DYNC2H1: variants seen among roughly 807,000 people sequenced by gnomAD.
DYNC2H1 encodes the protein dynein cytoplasmic 2 heavy chain 1.
A neutral mutation model predicts 570.0 loss-of-function variants in DYNC2H1; 410 were observed. The ratio of observed to expected loss-of-function variants is 0.72; its 90% CI spans 0.66 to 0.78. The LOEUF (loss-of-function observed/expected upper bound fraction) is 0.78, where lower values mean the gene tolerates loss of function less well. Ranked by LOEUF, DYNC2H1 falls within the 30% of genes least tolerant of loss-of-function variation. The pLI is 0.00. For synonymous variants in DYNC2H1, 1,688 were observed against 1,677.6 expected, an observed-to-expected ratio of 1.01 and a Z score of -0.15; for missense variants, 4,865 against 5,046.4, an observed-to-expected ratio of 0.96 and a Z score of 1.09.
intron 76 of DYNC2H1, among the ~76,000 whole-genome samples, chr11:103,303,544 A>T (rs550264310): frequency 3.3e-4 from 51 of 152,240 alleles, no homozygotes; most frequent in African/African-American, 1.2e-3. Flanking sequence ...GAGTGCAGCT[A>T]GGAGATATGA....
At chr11:103,282,879 C>T (rs1866195984) in intron 72 of DYNC2H1, 129 bp from the exon 73 acceptor site, 1 of 662,100 alleles carries the variant, frequency 1.5e-6, no homozygotes, top group Non-Finnish European at 2.5e-6. Flanking sequence ...TTGTAAAATA[C>T]ATAAAAATAT....
chr11:103,437,080 G>A (rs1370052530), intron 85 of DYNC2H1, among the ~76,000 whole-genome samples: 1 of 152,088 alleles, frequency 6.6e-6, no homozygotes, highest in East Asian at 1.9e-4. Flanking sequence ...ATTCCATAGT[G>A]ATGTTCTTCA....
rs145188748 is a variant in DYNC2H1, at chr11:103,458,493, C to T, written c.12648+2137C>T. On this transcript the variant is annotated intron_variant, in intron 87 of 88. Transcript: ENST00000375735. ...TTCAAAATCAAAAACACTTTGTTCC[C>T]GAGCATTTCAGATAAGGGATACTCA... Among the ~76,000 whole-genome samples, 639 of 151,990 alleles carry T rather than the reference C, an allele frequency of 4.2e-3. 3 individuals are homozygous for T. The highest frequency in any genetic ancestry group is 9.9e-3 in the Admixed American group (151 of 15,250).
chr11:103,242,678 T>C (rs1028586719), intron 63 of DYNC2H1, among the ~76,000 whole-genome samples: 2 of 152,334 alleles, frequency 1.3e-5, no homozygotes, highest in South Asian at 2.1e-4. Context: ...ATTGGCTTTC[T>C]TCTGTCTACT....
chr11:103,404,624 C>A (rs1942783654), intron 84 of DYNC2H1: 1 of 149,956 alleles, frequency 6.7e-6, no homozygotes, highest in Non-Finnish European at 1.5e-5. Context: ...GGATTTTAGC[C>A]TATCTGATTA....
rs1376857697 is a variant in DYNC2H1, at chr11:103,243,674, T to C, written c.9820-19T>C. ...TTATAATCATTAAAAAACATTACTT[T>C]TCCTTTTTTTTATACTAGAGTCGAG... On this transcript the variant is annotated intron_variant, in intron 63 of 88. Coordinates refer to ENST00000375735, the MANE Select transcript of DYNC2H1 (RefSeq NM_001377.3). The surrounding 1 kb of genome is among the most constrained non-coding windows in gnomAD (Gnocchi z 4.8). 1.3e-6 allele frequency: 2 copies of C among 1,526,606 alleles called. No homozygotes were observed. The highest frequency in any genetic ancestry group is 1.8e-6 in the Non-Finnish European group (2 of 1,118,712). 94.6% of individuals were successfully genotyped at this position (1,526,606 alleles called of 1,614,324 possible). A position where few individuals can be genotyped will look rare whatever the true frequency, so the allele number is the denominator to read the frequency against.
At chr11:103,195,298 G>A (rs641823) in intron 47 of DYNC2H1, among the ~76,000 whole-genome samples, 130,217 of 152,184 alleles carry the variant, frequency 0.86, 55,801 homozygotes, top group Admixed American at 0.87. Flanking sequence ...ATAGTTTTAT[G>A]TTTTACATTT....
At chr11:103,340,585 G>C (rs117085039) in intron 82 of DYNC2H1, among the ~76,000 whole-genome samples, 1 of 152,092 alleles carries the variant, frequency 6.6e-6, no homozygotes, top group East Asian at 1.9e-4. Flanking sequence ...CATTTCTTCA[G>C]TATTATTCAA....
intron 84 of DYNC2H1, among the ~76,000 whole-genome samples, chr11:103,425,005 A>G (rs1009495729): frequency 1.3e-5 from 2 of 152,102 alleles, no homozygotes; most frequent in African/African-American, 2.4e-5. Flanking sequence ...GTACATTCCT[A>G]GCTCACTGCA....
chr11:103,267,774 A>G (rs1021276842), intron 70 of DYNC2H1, among the ~76,000 whole-genome samples: 4 of 151,972 alleles, frequency 2.6e-5, no homozygotes, highest in African/African-American at 7.2e-5. Context: ...TTTGTTCCTT[A>G]TCATCCATTT....
At chr11:103,316,649 T>C (rs1473484041) in intron 80 of DYNC2H1, 29 bp downstream of exon 80, 2 of 1,427,584 alleles carry the variant, frequency 1.4e-6, no homozygotes, top group East Asian at 2.7e-5. Flanking sequence ...TTTAATCTCA[T>C]ATTAATAAAA....
rs949519070 is a variant in DYNC2H1 at position 103,326,452 on chromosome 11, A to G, written c.12039+2462A>G. On this transcript the variant is annotated intron_variant, in intron 82 of 88. Coordinates refer to ENST00000375735, the MANE Select transcript of DYNC2H1 (RefSeq NM_001377.3). This position sits in a 1 kb window ranked among gnomAD's most constrained non-coding sequence, Gnocchi z 6.1. ...CGAACCGCCTCTGTGCTGGCCCACA[A>G]ACCTGCACGTCCCACCCCTCTCAGT... Among the ~76,000 whole-genome samples, 5 of 152,050 alleles carry G rather than the reference A, an allele frequency of 3.3e-5. No individual in the cohort carries two copies. The South Asian group carries it at 8.3e-4, about 25-fold the overall frequency.
chr11:103,156,650 A>T lies in DYNC2H1; in HGVS notation c.4007A>T (p.Asp1336Val). The T allele has an allele frequency of 6.2e-7, 1 of 1,613,584 alleles. No individual in the cohort carries two copies. The highest frequency in any genetic ancestry group is 1.1e-5 in the South Asian group (1 of 91,014). ...TGGGAAAGAAAACTTGCAGAGTTAG[A>T]TGAATACCTGCAGAATTTAAATCAT... ...SIWERKLAELDEYLQNLNHIQ... is the reference protein window; with the variant it reads ...SIWERKLAELVEYLQNLNHIQ... Residue 1336 changes from aspartate to valine, a missense_variant, in exon 26 of 89, where the codon GAT becomes GTT. By Grantham distance (152) the Asp-to-Val change is radical (BLOSUM62 -3). Transcript: ENST00000375735.
chr11:103,162,584 C>T (rs1861142066), intron 29 of DYNC2H1, among the ~76,000 whole-genome samples: 2 of 152,110 alleles, frequency 1.3e-5, no homozygotes, highest in African/African-American at 4.8e-5. Flanking sequence ...ATGGTTACGA[C>T]TTTATGAATA....
intron 84 of DYNC2H1, among the ~76,000 whole-genome samples, chr11:103,425,446 C>T (rs898896782): frequency 6.6e-6 from 1 of 151,918 alleles, no homozygotes; most frequent in Non-Finnish European, 1.5e-5. Flanking sequence ...GGCTAGCTCT[C>T]TAACCTCTTA....
Position 103,186,740 on chromosome 11 carries a change from T to C in DYNC2H1, c.6893+239T>C, listed in dbSNP as rs1862086274. ...AATCTGAGAAGATACTCTTAAAAAT[T>C]ATCCGTCCATATAATACAGCAAAAA... is the stretch of plus-strand genomic sequence containing the variant. On this transcript the variant is annotated intron_variant, in intron 42 of 88. Transcript: ENST00000375735. The surrounding 1 kb of genome is among the most constrained non-coding windows in gnomAD (Gnocchi z 4.5). Among the ~76,000 whole-genome samples, 1 of 147,070 alleles carries C rather than the reference T, an allele frequency of 6.8e-6. No individual in the cohort carries two copies. Among genetic ancestry groups the C allele is most frequent in the Non-Finnish European group, 1.5e-5 (1 of 66,864 alleles).
At chr11:103,293,186 T>G (rs1866682591) in intron 75 of DYNC2H1, among the ~76,000 whole-genome samples, 1 of 150,498 alleles carries the variant, frequency 6.6e-6, no homozygotes, top group Admixed American at 6.8e-5. Context: ...TGTTGCTGGA[T>G]ATAATATTCT....
intron 17 of DYNC2H1, among the ~76,000 whole-genome samples, chr11:103,140,673 A>T (rs968369109): frequency 7.2e-5 from 11 of 152,108 alleles, no homozygotes; most frequent in Middle Eastern, 6.8e-3. Flanking sequence ...GAATCTGACA[A>T]TTATGTGTCT....
At position 103,128,896 on chromosome 11, in the gene DYNC2H1, C is replaced by G. The variant is rs1384968479; in HGVS notation, c.1858-14C>G. On this transcript the variant is annotated splice_polypyrimidine_tract_variant and intron_variant, in intron 12 of 88. Transcript: ENST00000375735. The stretch of plus-strand genomic sequence containing the variant: ...AAGTTATTAATTATTACTAATTGGA[C>G]TTTTACTTTGTAGGTGGCACATTTT... 6.4e-7 allele frequency: 1 copy of G among 1,551,436 alleles called. No homozygotes were observed. Among genetic ancestry groups the G allele is most frequent in the Non-Finnish European group, 8.7e-7 (1 of 1,148,118 alleles).
Sources: allele counts gnomAD v4.1 joint callset (sites outside exome capture counted in the v4.1 genomes callset), GRCh38; gene constraint gnomAD v4.1.1; non-coding constraint Gnocchi (gnomAD v3.1); transcripts MANE v1.5; gene names NCBI Gene and HGNC (gene_info 2026-07-23, HGNC 2026-07-21).